The following SYT9 variants were observed in gnomAD, a reference collection of about 807,000 sequenced individuals.
SYT9 encodes synaptotagmin-9.
Under a neutral mutation model 48.4 loss-of-function variants are expected in SYT9, and 22 were observed. The ratio of observed to expected loss-of-function variants is 0.45; its 90% CI spans 0.32 to 0.65. The LOEUF (loss-of-function observed/expected upper bound fraction) is 0.65, where lower values mean the gene tolerates loss of function less well. Ranked by LOEUF, SYT9 falls within the 30% of genes least tolerant of loss-of-function variation. The pLI is 0.03. For synonymous variants in SYT9, 265 were observed against 245.0 expected (o/e 1.08, Z -0.76); for missense variants, 577 against 622.0 (o/e 0.93, Z 0.77).
intron 6 of SYT9, among the ~76,000 whole-genome samples, chr11:7,450,654 A>G (rs1029555785): frequency 1.3e-5 from 2 of 152,258 alleles, no homozygotes; most frequent in African/African-American, 4.8e-5. Context: ...ATTTGGGTCC[A>G]AATGCGGACT....
intron 3 of SYT9, among the ~76,000 whole-genome samples, chr11:7,413,109 A>G (rs1847169949): frequency 6.6e-6 from 1 of 152,186 alleles, no homozygotes; most frequent in Non-Finnish European, 1.5e-5. Flanking sequence ...TGGTGGCTTC[A>G]GTTCAGGGCT....
intron 3 of SYT9, among the ~76,000 whole-genome samples, chr11:7,322,959 A>G (rs747999115): frequency 5.3e-5 from 8 of 152,144 alleles, no homozygotes; most frequent in Non-Finnish European, 1.2e-4. Flanking sequence ...TCTTCTGCAA[A>G]CTGTTATGTT....
chr11:7,447,587 C>G (rs1049891515), intron 6 of SYT9, among the ~76,000 whole-genome samples: 1 of 152,126 alleles, frequency 6.6e-6, no homozygotes, highest in Non-Finnish European at 1.5e-5. Context: ...CTCCCACAAT[C>G]CTATTTTGTA....
chr11:7,277,605 A>T (rs1271159978), intron 1 of SYT9, among the ~76,000 whole-genome samples: 1 of 152,254 alleles, frequency 6.6e-6, no homozygotes, highest in Admixed American at 6.5e-5. Context: ...TGTTTTTATT[A>T]TAAAGTGTAT....
intron 3 of SYT9, among the ~76,000 whole-genome samples, chr11:7,378,210 G>C (rs1850492314): frequency 6.6e-6 from 1 of 152,102 alleles, no homozygotes; most frequent in South Asian, 2.1e-4. Context: ...TTTGCGATGA[G>C]TCAGAAGGTG....
In SYT9 at chr11:7,267,462, C is replaced by T. The variant is rs565760093; in HGVS notation, c.145+15131C>T. Among the ~76,000 whole-genome samples the T allele has an allele frequency of 4.6e-5, 7 of 151,840 alleles. 1 individual carries two copies. In the South Asian group the frequency reaches 1.5e-3, roughly 31 times the overall value. ...GTGAGAGATTAAGAAGTAACAATAA[C>T]AATGCCAAAACTCTAAACACTTAAA... On this transcript the variant is annotated intron_variant, in intron 1 of 6. Transcript: ENST00000318881.
At chr11:7,368,641 T>G (rs192720833) in intron 3 of SYT9, among the ~76,000 whole-genome samples, 1 of 152,262 alleles carries the variant, frequency 6.6e-6, no homozygotes, top group Admixed American at 6.5e-5. Context: ...CTGTGTTAGT[T>G]TTCTGAGAAT....
At chr11:7,452,583 C>T (rs770504357) in intron 6 of SYT9, among the ~76,000 whole-genome samples, 11 of 152,200 alleles carry the variant, frequency 7.2e-5, no homozygotes, top group African/African-American at 1.2e-4. Flanking sequence ...CAGCTCTGAA[C>T]GTCCCCTTCC....
At chr11:7,300,412 G>A (rs948939770) in intron 1 of SYT9, among the ~76,000 whole-genome samples, 3 of 152,164 alleles carry the variant, frequency 2.0e-5, no homozygotes, top group Admixed American at 1.3e-4. Flanking sequence ...GTATTTCATT[G>A]GCCAGAGCAA....
intron 3 of SYT9, among the ~76,000 whole-genome samples, chr11:7,325,660 G>A (rs879627707): frequency 0.17 from 10,799 of 64,714 alleles, no homozygotes; most frequent in Non-Finnish European, 0.23. Context: ...TTGAATAGGA[G>A]CGGTGAGAGA....
intron 1 of SYT9, among the ~76,000 whole-genome samples, chr11:7,295,344 C>A (rs12796904): frequency 6.6e-6 from 1 of 152,016 alleles, no homozygotes; most frequent in Non-Finnish European, 1.5e-5. Flanking sequence ...CACAAAACAG[C>A]AGAACATAAA....
chr11:7,318,796 A>G (rs1049007927), intron 3 of SYT9, among the ~76,000 whole-genome samples: 11 of 151,916 alleles, frequency 7.2e-5, no homozygotes, highest in Non-Finnish European at 1.0e-4. Context: ...TTTTGAGCCA[A>G]TCTTATATTC....
intron 2 of SYT9, among the ~76,000 whole-genome samples, chr11:7,308,404 C>A (rs1233318998): frequency 6.6e-6 from 1 of 152,046 alleles, no homozygotes; most frequent in Non-Finnish European, 1.5e-5. Flanking sequence ...TGAAAGCCCG[C>A]GATGGAAGGG....
At chr11:7,441,584 C>G (rs1847830283) in intron 6 of SYT9, 1 of 152,208 alleles carries the variant, frequency 6.6e-6, no homozygotes, top group Non-Finnish European at 1.5e-5. Context: ...ATCAGGAACA[C>G]CAGTTCTTCC....
At chr11:7,461,816 G>A (rs1039771038) in intron 6 of SYT9, among the ~76,000 whole-genome samples, 1 of 152,154 alleles carries the variant, frequency 6.6e-6, no homozygotes, top group Non-Finnish European at 1.5e-5. Flanking sequence ...AGTAATTTTG[G>A]CCCTATAGTA....
chr11:7,399,061 G>T (rs7103961), intron 3 of SYT9, among the ~76,000 whole-genome samples: 124,829 of 152,152 alleles, frequency 0.82, 51,534 homozygotes, highest in African/African-American at 0.93. Flanking sequence ...AAAATATTAT[G>T]GAAAATGTCA....
At chr11:7,265,278 G>A (rs890626571) in intron 1 of SYT9, among the ~76,000 whole-genome samples, 1 of 152,130 alleles carries the variant, frequency 6.6e-6, no homozygotes, top group Non-Finnish European at 1.5e-5. Flanking sequence ...TCATGCAGAT[G>A]TCCAGGGCAG....
At chr11:7,406,914 T>C (rs980818231) in intron 3 of SYT9, among the ~76,000 whole-genome samples, 2 of 152,194 alleles carry the variant, frequency 1.3e-5, no homozygotes, top group Non-Finnish European at 2.9e-5. Flanking sequence ...TATCTCAATG[T>C]GGTTTTATTT....
intron 1 of SYT9, among the ~76,000 whole-genome samples, chr11:7,291,019 CAA>C (rs201899769): frequency 6.6e-6 from 1 of 151,490 alleles, no homozygotes; most frequent in African/African-American, 2.4e-5. Context: ...TGAAAGAACC[CAA>C]AAAAAAGAGC....
Sources: gnomAD v4.1 joint callset for allele counts (sites outside exome capture counted in the v4.1 genomes callset) on GRCh38, gnomAD v4.1.1 for gene constraint, MANE v1.5 for transcripts, NCBI Gene and HGNC (gene_info 2026-07-23, HGNC 2026-07-21) for gene names.